The following DAG1 variants were observed in gnomAD, a reference collection of about 807,000 sequenced individuals.
The protein encoded by DAG1 is dystroglycan 1.
In DAG1, 8 loss-of-function variants were observed where a neutral mutation model predicts 46.1. The observed-to-expected ratio is 0.17, with a 90% CI of 0.10 to 0.31. DAG1 has a LOEUF of 0.31. Ranked by LOEUF, DAG1 falls within the 10% of genes least tolerant of loss-of-function variation. The probability of loss-of-function intolerance (pLI) is 1.00; values close to 1 mark genes in which losing one functional copy is unlikely to be tolerated. For synonymous variants in DAG1, 495 were observed against 481.8 expected (o/e 1.03, Z -0.36); for missense variants, 1,003 against 1,189.9 (o/e 0.84, Z 2.31).
rs2051479639 is a variant in DAG1 at position 49,535,250 on chromosome 3, C to G, written c.*2051C>G. On this transcript the variant is annotated 3_prime_UTR_variant, in exon 3 of 3. Transcript: ENST00000308775. ...GACCTCATCAAAAAATAAACAATTCCCAATGTTCCAGGTGAGGGCTTTGAA... is the reference window on the plus strand; with the variant it reads ...GACCTCATCAAAAAATAAACAATTCGCAATGTTCCAGGTGAGGGCTTTGAA... 6.6e-6 allele frequency: 1 copy of G among 152,552 alleles called. No homozygotes were observed. The highest frequency in any genetic ancestry group is 6.5e-5 in the Admixed American group (1 of 15,288). The allele number at this position is 152,552 out of a possible 1,614,324, so 9.4% of individuals were successfully genotyped here. A position where few individuals can be genotyped will look rare whatever the true frequency, so the allele number is the denominator to read the frequency against.
intron 1 of DAG1, among the ~76,000 whole-genome samples, chr3:49,478,525 G>GA (rs2049758678): frequency 2.1e-5 from 2 of 93,394 alleles, no homozygotes; most frequent in Admixed American, 1.6e-4. Context: ...TTGAGCCCAA[G>GA]AGTTTTTTTT....
intron 1 of DAG1, among the ~76,000 whole-genome samples, chr3:49,498,469 T>G (rs1026376365): frequency 7.2e-5 from 11 of 152,080 alleles, no homozygotes; most frequent in African/African-American, 2.7e-4. Context: ...CTGTGTTGAG[T>G]ACATCCTGTT....
At chr3:49,478,538 T>TTA (rs545996308) in intron 1 of DAG1, among the ~76,000 whole-genome samples, 13,437 of 134,282 alleles carry the variant, frequency 0.1, 1,055 homozygotes, top group South Asian at 0.14. Context: ...TTTTTTTTTT[T>TTA]TTTTTTTTTT....
At chr3:49,469,001 T>C (rs2049442955), upstream of DAG1, 2 of 152,158 alleles carry the variant, frequency 1.3e-5, no homozygotes, top group African/African-American at 4.8e-5. Flanking sequence ...CCTTTTCTTG[T>C]CTCTGTGAAT....
chr3:49,516,876 T>A (rs2050911543), intron 2 of DAG1, among the ~76,000 whole-genome samples: 1 of 152,170 alleles, frequency 6.6e-6, no homozygotes, highest in Non-Finnish European at 1.5e-5. Context: ...TTTGAGCCGT[T>A]CAGCAGATAG....
Position 49,531,018 on chromosome 3 carries a change from A to T in DAG1, c.507A>T (p.Thr169=). 6.2e-7 allele frequency: 1 copy of T among 1,614,194 alleles called. No individual in the cohort carries two copies. The highest frequency in any genetic ancestry group is 8.5e-7 in the Non-Finnish European group (1 of 1,180,018). The change falls in exon 3 of 3, where the codon ACA becomes ACT. Residue 169 remains threonine, a synonymous_variant. Coordinates refer to ENST00000308775, the MANE Select transcript of DAG1 (RefSeq NM_004393.6). This position sits in a 1 kb window ranked among gnomAD's most constrained non-coding sequence, Gnocchi z 7.0. Reference sequence around the variant, plus strand: ...ACAGTGAGCTGCAGTCGGTGAGGACAGCCTCCCCAGACCCTGGTGAGGTGG... The same window carrying T: ...ACAGTGAGCTGCAGTCGGTGAGGACTGCCTCCCCAGACCCTGGTGAGGTGG... ...EDHSELQSVR[T]ASPDPGEVVS...
chr3:49,494,109 G>C (rs2050252365), intron 1 of DAG1, among the ~76,000 whole-genome samples: 1 of 152,136 alleles, frequency 6.6e-6, no homozygotes, highest in South Asian at 2.1e-4. Context: ...GTTTTGTCTT[G>C]TTCTTTTATA....
At chr3:49,482,224 C>T (rs945747830) in intron 1 of DAG1, among the ~76,000 whole-genome samples, 6 of 152,152 alleles carry the variant, frequency 3.9e-5, no homozygotes, top group Non-Finnish European at 5.9e-5. Flanking sequence ...GACCTCTGCT[C>T]TTGAAAGCGG....
chr3:49,483,566 TA>T (rs2049940517), intron 1 of DAG1, among the ~76,000 whole-genome samples: 1 of 152,090 alleles, frequency 6.6e-6, no homozygotes, highest in Non-Finnish European at 1.5e-5. Context: ...TAGGATTTTT[TA>T]TATTGGAGAC....
intron 1 of DAG1, among the ~76,000 whole-genome samples, chr3:49,486,327 T>C (rs1320965312): frequency 6.6e-6 from 1 of 151,976 alleles, no homozygotes; most frequent in Non-Finnish European, 1.5e-5. Context: ...CACGCCATTC[T>C]CCTGCCTCAG....
rs2050738548 is a variant in DAG1, at chr3:49,510,657, C to G, written c.123C>G (p.Asp41Glu). Residue 41 changes from aspartate (D) to glutamate (E), a missense_variant, in exon 2 of 3, where the codon GAC (aspartate) becomes GAG (glutamate). This residue lies in a region of DAG1 where 196 missense variants were observed against 239.1 expected (regional missense o/e 0.82). Coordinates refer to ENST00000308775, the MANE Select transcript of DAG1 (RefSeq NM_004393.6). ...WPSEPSEAVR[D>E]WENQLEASMH... ...GTGAACCCTCAGAGGCTGTCAGGGA[C>G]TGGGAAAACCAGCTTGAGGCATCCA... is the stretch of plus-strand genomic sequence containing the variant. 6.2e-7 allele frequency: 1 copy of G among 1,614,146 alleles called. No individual in the cohort carries two copies. The highest frequency in any genetic ancestry group is 8.5e-7 in the Non-Finnish European group (1 of 1,180,010).
intron 1 of DAG1, among the ~76,000 whole-genome samples, chr3:49,496,800 T>C (rs927802561): frequency 6.6e-6 from 1 of 151,964 alleles, no homozygotes; most frequent in Admixed American, 6.6e-5. Flanking sequence ...CTAATTTTTG[T>C]ATTTTTAGTA....
rs143371963 is a variant in DAG1, at chr3:49,511,564, A to C, written c.285+745A>C. Among the ~76,000 whole-genome samples the C allele has an allele frequency of 1.6e-4, 24 of 152,358 alleles. No individual in the cohort carries two copies. The East Asian group carries it at 4.4e-3, about 28-fold the overall frequency. ...AGTCAGCACACTTCACCCAAGCTGG[A>C]GTGCACTGGCATGATCATGTCTCAC... On this transcript the variant is annotated intron_variant, in intron 2 of 2. Transcript: ENST00000308775.
chr3:49,474,865 G>A (rs1454786618), intron 1 of DAG1, among the ~76,000 whole-genome samples: 2 of 148,948 alleles, frequency 1.3e-5, no homozygotes, highest in Non-Finnish European at 3.0e-5. Flanking sequence ...TGCATGGAGT[G>A]CAGTGGCATG....
At position 49,474,784 on chromosome 3, in the gene DAG1, T is replaced by G. The variant is rs1575332938; in HGVS notation, c.-117+4351T>G. On this transcript the variant is annotated intron_variant, in intron 1 of 2. Transcript: ENST00000308775. ...AAGCCTGAGCCACCATGCCTGGCCT[T>G]TTTTTTAAAATTAATTAATTAATTA... Among the ~76,000 whole-genome samples the G allele has an allele frequency of 2.0e-5, 3 of 150,790 alleles. No homozygotes were observed. In the South Asian group the frequency reaches 6.3e-4, roughly 32 times the overall value.
intron 2 of DAG1, among the ~76,000 whole-genome samples, chr3:49,529,530 C>T (rs1476640960): frequency 6.6e-6 from 1 of 152,174 alleles, no homozygotes; most frequent in Admixed American, 6.5e-5. Flanking sequence ...ATCCAGCAGT[C>T]AGTGGCTTTA....
intron 1 of DAG1, among the ~76,000 whole-genome samples, chr3:49,471,831 G>A: frequency 6.6e-6 from 1 of 152,164 alleles, no homozygotes. Context: ...TGCCCTTAAG[G>A]AATTCAGTTT....
intron 2 of DAG1, among the ~76,000 whole-genome samples, chr3:49,519,230 G>A (rs1198872008): frequency 6.6e-6 from 1 of 152,188 alleles, no homozygotes; most frequent in African/African-American, 2.4e-5. Context: ...CTCGAAGGTG[G>A]TCAGGGAGAG....
chr3:49,531,831 C>T lies in DAG1; in HGVS notation c.1320C>T (p.Asp440=), dbSNP rs377309865. Reference sequence around the variant, plus strand: ...CAAAACCAGCAACGCCTTCAACTGACTCCACCACCACCACGACTCGCAGGC... The same window carrying T: ...CAAAACCAGCAACGCCTTCAACTGATTCCACCACCACCACGACTCGCAGGC... ...STPKPATPST[D]STTTTTRRPT... Residue 440 remains aspartate (D), a synonymous_variant, in exon 3 of 3, where the codon GAC becomes GAT. Transcript: ENST00000308775. This position sits in a 1 kb window ranked among gnomAD's most constrained non-coding sequence, Gnocchi z 7.0. The T allele has an allele frequency of 1.9e-6, 3 of 1,613,910 alleles. No individual in the cohort carries two copies. Among genetic ancestry groups the T allele is most frequent in the African/African-American group, 2.7e-5 (2 of 74,858 alleles).
Sources: allele counts gnomAD v4.1 joint callset (sites outside exome capture counted in the v4.1 genomes callset), GRCh38; gene constraint gnomAD v4.1.1; regional missense constraint gnomAD v4.1.1; non-coding constraint Gnocchi (gnomAD v3.1); transcripts MANE v1.5; gene names NCBI Gene and HGNC (gene_info 2026-07-23, HGNC 2026-07-21).